Variants in ARL5B observed in about 807,000 individuals in gnomAD.
The protein encoded by ARL5B is ARF like GTPase 5B, also known as ADP-ribosylation factor-like protein 5B.
In ARL5B, 10 loss-of-function variants were observed where a neutral mutation model predicts 26.9. The observed-to-expected ratio is 0.37, with a 90% CI of 0.23 to 0.63. ARL5B has a LOEUF of 0.63. Ranked by LOEUF, ARL5B falls within the 30% of genes least tolerant of loss-of-function variation. The probability of loss-of-function intolerance (pLI) is 0.62; values close to 1 mark genes in which losing one functional copy is unlikely to be tolerated. For missense variants in ARL5B, 167 were observed against 213.9 expected (o/e 0.78, Z 1.37); for synonymous variants, 87 against 70.4 (o/e 1.24, Z -1.18).
chr10:18,675,743 G>A lies in ARL5B; in HGVS notation c.*527G>A, dbSNP rs2059907878. 1 of 152,596 alleles carries A rather than the reference G, an allele frequency of 6.6e-6. No homozygotes were observed. The allele number at this position is 152,596 out of a possible 1,614,324, so 9.5% of individuals were successfully genotyped here. A position where few individuals can be genotyped will look rare whatever the true frequency, so the allele number is the denominator to read the frequency against. On this transcript the variant is annotated 3_prime_UTR_variant, in exon 6 of 6. Coordinates refer to ENST00000377275, the MANE Select transcript of ARL5B (RefSeq NM_178815.5). ...AAATCTGCCTAGAGGATATATGTAAGGAAGATTCCACATCATGAGTACTTG... is the reference window on the plus strand; with the variant it reads ...AAATCTGCCTAGAGGATATATGTAAAGAAGATTCCACATCATGAGTACTTG...
At chr10:18,666,779 A>G (rs556890427) in intron 2 of ARL5B, 144 bp downstream of exon 2, 48 of 622,788 alleles carry the variant, frequency 7.7e-5, no homozygotes, top group African/African-American at 1.7e-4. Context: ...ACCGAACACA[A>G]TCTATAGAAA....
intron 4 of ARL5B, among the ~76,000 whole-genome samples, chr10:18,673,504 A>G (rs1259371291): frequency 6.6e-6 from 1 of 152,206 alleles, no homozygotes; most frequent in African/African-American, 2.4e-5. Flanking sequence ...TCCTTTTAAC[A>G]ACTGTATAGT....
rs1008811062 is a variant in ARL5B at position 18,676,014 on chromosome 10, G to C, written c.*798G>C. 6.6e-6 allele frequency: 1 copy of C among 152,046 alleles called. No homozygotes were observed. The highest frequency in any genetic ancestry group is 1.5e-5 in the Non-Finnish European group (1 of 67,924). The allele number at this position is 152,046 out of a possible 1,614,324, so 9.4% of individuals were successfully genotyped here. A position where few individuals can be genotyped will look rare whatever the true frequency, so the allele number is the denominator to read the frequency against. Reference sequence around the variant, plus strand: ...TTATTCAATGCATATAAAACTATCAGAAGTTAGTAAATCATACCAGCACTA... The same window carrying C: ...TTATTCAATGCATATAAAACTATCACAAGTTAGTAAATCATACCAGCACTA... On this transcript the variant is annotated 3_prime_UTR_variant, in exon 6 of 6. Coordinates refer to ENST00000377275, the MANE Select transcript of ARL5B (RefSeq NM_178815.5).
At position 18,667,424 on chromosome 10, in the gene ARL5B, C is replaced by G. The variant is rs561579404; in HGVS notation, c.107+789C>G. 1.1e-4 allele frequency among the ~76,000 whole-genome samples: 17 copies of G among 152,256 alleles called. No homozygotes were observed. In the East Asian group the frequency reaches 2.9e-3, roughly 26 times the overall value. On this transcript the variant is annotated intron_variant, in intron 2 of 5. Coordinates refer to ENST00000377275, the MANE Select transcript of ARL5B (RefSeq NM_178815.5). ...TTCAGAGTTGAACAACTACTTGTTT[C>G]TCTTGAAAACATTTTCATTCATTGG...
chr10:18,659,711 T>C, intron 1 of ARL5B, 28 bp downstream of exon 1: 1 of 1,606,222 alleles, frequency 6.2e-7, no homozygotes, highest in Admixed American at 1.7e-5. Flanking sequence ...GCGCGGCGGC[T>C]CGAATCCGAG....
rs2059932194 is a variant in ARL5B at position 18,681,547 on chromosome 10, T to A, written c.*6331T>A. 6.6e-6 allele frequency: 1 copy of A among 152,230 alleles called. No individual in the cohort carries two copies. Among genetic ancestry groups the A allele is most frequent in the African/African-American group, 2.4e-5 (1 of 41,464 alleles). 9.4% of individuals were successfully genotyped at this position (152,230 alleles called of 1,614,324 possible). A position where few individuals can be genotyped will look rare whatever the true frequency, so the allele number is the denominator to read the frequency against. On this transcript the variant is annotated 3_prime_UTR_variant, in exon 6 of 6. Transcript: ENST00000377275. ...GTTCATCTTTTAGACAGGTTTTGGC[T>A]CATTTCCAATCATGGTGCAATATAG...
intron 4 of ARL5B, among the ~76,000 whole-genome samples, chr10:18,673,203 A>G (rs2059895691): frequency 6.6e-6 from 1 of 152,028 alleles, no homozygotes; most frequent in Non-Finnish European, 1.5e-5. Context: ...CTGGGATTAC[A>G]GGAACCCGCC....
rs1274397372 is a variant in ARL5B at position 18,680,802 on chromosome 10, A to C, written c.*5586A>C. 1 of 152,156 alleles carries C rather than the reference A, an allele frequency of 6.6e-6. No individual in the cohort carries two copies. The highest frequency in any genetic ancestry group is 2.4e-5 in the African/African-American group (1 of 41,454). 9.4% of individuals were successfully genotyped at this position (152,156 alleles called of 1,614,324 possible). A position where few individuals can be genotyped will look rare whatever the true frequency, so the allele number is the denominator to read the frequency against. On this transcript the variant is annotated 3_prime_UTR_variant, in exon 6 of 6. Transcript: ENST00000377275. ...GCATGTTAAAAACAACAACAACAAA[A>C]ACCTAACAGCAATTACAACCTTGGT...
chr10:18,663,546 C>CCTTT (rs535747029), intron 1 of ARL5B, among the ~76,000 whole-genome samples: 2 of 97,946 alleles, frequency 2.0e-5, no homozygotes, highest in African/African-American at 8.1e-5. Flanking sequence ...TTATTCTGCT[C>CCTTT]TTTTTTTTTT....
chr10:18,674,247 A>G, intron 5 of ARL5B, 112 bp downstream of exon 5: 3 of 1,003,276 alleles, frequency 3.0e-6, no homozygotes, highest in Non-Finnish European at 4.1e-6. Flanking sequence ...TTTGTTCTTA[A>G]TTAAAGGTGA....
chr10:18,663,626 G>A (rs1255401159), intron 1 of ARL5B, among the ~76,000 whole-genome samples: 1 of 134,680 alleles, frequency 7.4e-6, no homozygotes, highest in African/African-American at 2.8e-5. Context: ...TCGGCTCACT[G>A]CAAGCTCTGC....
At chr10:18,671,932 T>A (rs2059889536) in intron 3 of ARL5B, among the ~76,000 whole-genome samples, 1 of 152,210 alleles carries the variant, frequency 6.6e-6, no homozygotes, top group Non-Finnish European at 1.5e-5. Context: ...ATTATATGTG[T>A]GTGAGCCACA....
At position 18,659,524 on chromosome 10, in the gene ARL5B, C is replaced by A; in HGVS notation, c.-114C>A. On this transcript the variant is annotated 5_prime_UTR_variant, in exon 1 of 6. The change creates a new upstream start codon in the 5' untranslated region. Transcript: ENST00000377275. ...GCTTCTCGGCCTAGCAGTGCCCTCG[C>A]TGCGCGATCTCAGGCGGGTTCTCCT... The A allele has an allele frequency of 1.5e-6, 2 of 1,363,286 alleles. No individual in the cohort carries two copies. The highest frequency in any genetic ancestry group is 1.9e-6 in the Non-Finnish European group (2 of 1,031,172). The allele number at this position is 1,363,286 out of a possible 1,614,324, so 84.4% of individuals were successfully genotyped here.
At chr10:18,673,895 A>C (rs971763157) in intron 4 of ARL5B, 89 bp from the exon 5 acceptor site, 1 of 1,228,348 alleles carries the variant, frequency 8.1e-7, no homozygotes, top group African/African-American at 1.6e-5. Context: ...CGATTATGTT[A>C]AAGTAGAAGC....
rs1385466274 is a variant in ARL5B, at chr10:18,677,530, A to AT, written c.*2320dup. 1 of 152,210 alleles carries AT rather than the reference A, an allele frequency of 6.6e-6. No individual in the cohort carries two copies. The allele number at this position is 152,210 out of a possible 1,614,324, so 9.4% of individuals were successfully genotyped here. On this transcript the variant is annotated 3_prime_UTR_variant, in exon 6 of 6. Coordinates refer to ENST00000377275, the MANE Select transcript of ARL5B (RefSeq NM_178815.5). Reference sequence around the variant, plus strand: ...AATTCATGTAAGACTTTTTAAGAGTATTTTTTAGGTTTTCACTCAATCTTT... The same window carrying AT: ...AATTCATGTAAGACTTTTTAAGAGTATTTTTTTAGGTTTTCACTCAATCTTT...
In ARL5B at chr10:18,659,972, A is replaced by G. The variant is rs946932965; in HGVS notation, c.46+289A>G. 17 of 978,288 alleles carry G rather than the reference A, an allele frequency of 1.7e-5. No individual in the cohort carries two copies. The Admixed American group carries it at 2.5e-4, about 14-fold the overall frequency. 60.6% of individuals were successfully genotyped at this position (978,288 alleles called of 1,614,324 possible). On this transcript the variant is annotated intron_variant, in intron 1 of 5. Transcript: ENST00000377275. Reference sequence around the variant, plus strand: ...GCGGGATACAGCTAATGATGCCAGGAGGCGTATGGAGGGCCTTTCTCGTCT... The same window carrying G: ...GCGGGATACAGCTAATGATGCCAGGGGGCGTATGGAGGGCCTTTCTCGTCT...
intron 1 of ARL5B, among the ~76,000 whole-genome samples, chr10:18,663,614 T>C (rs1427714570): frequency 6.7e-6 from 1 of 150,148 alleles, no homozygotes; most frequent in Non-Finnish European, 1.5e-5. Context: ...AGTGGCGTTA[T>C]CTCGGCTCAC....
In ARL5B at chr10:18,668,603, C is replaced by T. The variant is rs753201239; in HGVS notation, c.181C>T (p.His61Tyr). ...NVEEIVVKNT[H>Y]FLMWDIGGQE... Reference sequence around the variant, plus strand: ...TGAAGAAATAGTTGTGAAGAACACTCATTTTCTTATGTGGGATATTGGTGG... The same window carrying T: ...TGAAGAAATAGTTGTGAAGAACACTTATTTTCTTATGTGGGATATTGGTGG... Residue 61 changes from histidine (H) to tyrosine (Y), a missense_variant, in exon 3 of 6, where the codon CAT becomes TAT. By Grantham distance (83) the His-to-Tyr change is moderately conservative (BLOSUM62 2). Coordinates refer to ENST00000377275, the MANE Select transcript of ARL5B (RefSeq NM_178815.5). 2 of 1,614,072 alleles carry T rather than the reference C, an allele frequency of 1.2e-6. No individual in the cohort carries two copies. The highest frequency in any genetic ancestry group is 8.5e-7 in the Non-Finnish European group (1 of 1,179,994).
rs990021347 is a variant in ARL5B, at chr10:18,679,420, CAAATGTCTACAT to C, written c.*4221_*4232del. On this transcript the variant is annotated 3_prime_UTR_variant, in exon 6 of 6. Coordinates refer to ENST00000377275, the MANE Select transcript of ARL5B (RefSeq NM_178815.5). ...TAGTAGCCAGGTTGTCAGTCTTTTACAAATGTCTACATAAATGTCTACATAAATCTGAAAGTG... is the reference window on the plus strand; with the variant it reads ...TAGTAGCCAGGTTGTCAGTCTTTTACAAATGTCTACATAAATCTGAAAGTG... 3.9e-5 allele frequency: 6 copies of C among 151,974 alleles called. No individual in the cohort carries two copies. Among genetic ancestry groups the C allele is most frequent in the Admixed American group, 6.6e-5 (1 of 15,264 alleles). 9.4% of individuals were successfully genotyped at this position (151,974 alleles called of 1,614,324 possible).
Sources: allele counts gnomAD v4.1 joint callset (sites outside exome capture counted in the v4.1 genomes callset), GRCh38; gene constraint gnomAD v4.1.1; transcripts MANE v1.5; gene names NCBI Gene and HGNC (gene_info 2026-07-23, HGNC 2026-07-21).